PHKA1: variants seen among roughly 807,000 people sequenced by gnomAD.
PHKA1 encodes the protein phosphorylase kinase regulatory subunit alpha 1.
A neutral mutation model predicts 110.2 loss-of-function variants in PHKA1; 60 were observed. That is an observed-to-expected ratio of 0.54 (90% CI 0.44 to 0.68). The LOEUF is 0.68. PHKA1 is among the 30% of genes least tolerant of loss of function. The pLI is 0.00. For synonymous variants in PHKA1, 316 were observed against 333.6 expected, an observed-to-expected ratio of 0.95 and a Z score of 0.58; for missense variants, 801 against 942.5, an observed-to-expected ratio of 0.85 and a Z score of 1.97.
chrX:72,706,767 C>T (rs1210313226), intron 2 of PHKA1, among the ~76,000 whole-genome samples: 2 of 111,501 alleles, frequency 1.8e-5, no homozygotes, highest in African/African-American at 6.5e-5. Flanking sequence ...TTTTCTCTTG[C>T]AAACCCATCA....
At chrX:72,642,273 G>A in intron 14 of PHKA1, among the ~76,000 whole-genome samples, 1 of 111,792 alleles carries the variant, frequency 8.9e-6, no homozygotes, top group South Asian at 3.8e-4. Context: ...ATGGCCCAGA[G>A]CTTAGAAGTT....
chrX:72,619,991 C>T (rs2052953285), intron 19 of PHKA1, among the ~76,000 whole-genome samples: 2 of 111,767 alleles, frequency 1.8e-5, no homozygotes, highest in African/African-American at 3.3e-5. Context: ...AGCCCTTTCT[C>T]GAGGAAGCAT....
chrX:72,621,772 G>C, intron 18 of PHKA1: 2 of 752,173 alleles, frequency 2.7e-6, no homozygotes, highest in South Asian at 6.8e-5. Context: ...ATACAATCTA[G>C]AGACTTGAGT....
At chrX:72,648,975 A>G (rs2053394741) in intron 13 of PHKA1, among the ~76,000 whole-genome samples, 1 of 111,633 alleles carries the variant, frequency 9.0e-6, no homozygotes, top group South Asian at 3.8e-4. Flanking sequence ...ATCTAGTTCT[A>G]TGGCAGGATT....
At position 72,657,690 on chromosome X, in the gene PHKA1, A is replaced by G. The variant is rs781965638; in HGVS notation, c.865-49T>C. The G allele has an allele frequency of 3.1e-5, 31 of 990,752 alleles. 1 individual carries two copies. The highest frequency in any genetic ancestry group is 4.3e-5 in the Non-Finnish European group (30 of 697,104). The allele number at this position is 990,752 out of a possible 1,213,427, so 81.6% of individuals were successfully genotyped here. ...CAGCAGCTTGTACACTGGTACGGCCATGTAATTAATCAGAAATACATCCTT... is the reference window on the plus strand; with the variant it reads ...CAGCAGCTTGTACACTGGTACGGCCGTGTAATTAATCAGAAATACATCCTT... On this transcript the variant is annotated intron_variant, in intron 8 of 31. Coordinates refer to ENST00000373542, the MANE Select transcript of PHKA1 (RefSeq NM_002637.4).
At chrX:72,581,219 AT>A (rs781829140) in intron 31 of PHKA1, 44 bp from the exon 32 acceptor site, 50 of 862,838 alleles carry the variant, frequency 5.8e-5, no homozygotes, top group Non-Finnish European at 1.0e-5. Context: ...GAAAGGAAAA[AT>A]TACCAATCTT....
At chrX:72,621,223 T>C (rs1017815960) in intron 18 of PHKA1, among the ~76,000 whole-genome samples, 1 of 111,638 alleles carries the variant, frequency 9.0e-6, no homozygotes, top group Non-Finnish European at 1.9e-5. Context: ...GTGCATGTGA[T>C]AGTAATGGTG....
intron 16 of PHKA1, among the ~76,000 whole-genome samples, chrX:72,634,941 C>A (rs1395149609): frequency 2.7e-5 from 3 of 112,081 alleles, no homozygotes; most frequent in Non-Finnish European, 3.8e-5. Flanking sequence ...CCTTCTAAAG[C>A]ATAAGCTCCA....
intron 3 of PHKA1, among the ~76,000 whole-genome samples, chrX:72,704,575 A>ATG (rs375102108): frequency 0.047 from 5,085 of 107,331 alleles, 297 homozygotes; most frequent in African/African-American, 0.16. Flanking sequence ...GTGTATGTGC[A>ATG]TGTGTGTGTG....
Position 72,620,827 on chromosome X carries a change from G to T in PHKA1, c.2035C>A (p.Pro679Thr). 3.3e-6 allele frequency: 4 copies of T among 1,210,718 alleles called. No individual in the cohort carries two copies. Among genetic ancestry groups the T allele is most frequent in the Admixed American group, 2.2e-5 (1 of 45,936 alleles). The change falls in exon 19 of 32, where the codon CCT (proline) becomes ACT (threonine). Residue 679 changes from proline to threonine, a missense_variant. Transcript: ENST00000373542. Reference protein sequence around the residue: ...AHTAPHPKLAPTSQKGGLDRF... With the variant: ...AHTAPHPKLATTSQKGGLDRF... ...TCTAGCCCTCCCTTCTGTGAGGTAG[G>T]GGCTAGTTTAGGATGGGGAGCAGTG...
At chrX:72,675,229 TA>T (rs1410493847) in intron 6 of PHKA1, among the ~76,000 whole-genome samples, 6 of 107,730 alleles carry the variant, frequency 5.6e-5, no homozygotes, top group African/African-American at 1.3e-4. Flanking sequence ...AATAAATAAA[TA>T]AAATAAAAAT....
At position 72,658,470 on chromosome X, in the gene PHKA1, A is replaced by C. The variant is rs1332612361; in HGVS notation, c.865-829T>G. Among the ~76,000 whole-genome samples the C allele has an allele frequency of 2.7e-5, 3 of 109,476 alleles. No homozygotes were observed. The South Asian group carries it at 1.2e-3, about 44-fold the overall frequency. ...TGAGACTTTGTTTCAAAAAAAAAAAAAAAAAAAACTTTGGTACGATACTAT... is the reference window on the plus strand; with the variant it reads ...TGAGACTTTGTTTCAAAAAAAAAAACAAAAAAAACTTTGGTACGATACTAT... On this transcript the variant is annotated intron_variant, in intron 8 of 31. Transcript: ENST00000373542.
chrX:72,644,025 T>G (rs982549865), intron 14 of PHKA1, among the ~76,000 whole-genome samples: 14 of 111,806 alleles, frequency 1.3e-4, no homozygotes, highest in Non-Finnish European at 2.3e-4. Context: ...ACAAGTTCCT[T>G]GGCTATCATT....
chrX:72,628,992 A>G (rs2053127955), intron 16 of PHKA1, among the ~76,000 whole-genome samples: 2 of 111,630 alleles, frequency 1.8e-5, no homozygotes, highest in African/African-American at 6.5e-5. Flanking sequence ...TAAATGAATT[A>G]TTTTCCCAAA....
At chrX:72,703,570 A>G (rs888823336) in intron 3 of PHKA1, among the ~76,000 whole-genome samples, 2 of 110,769 alleles carry the variant, frequency 1.8e-5, no homozygotes, top group Non-Finnish European at 3.8e-5. Flanking sequence ...AGTCCCAGTG[A>G]TGCGGGAGGC....
intron 6 of PHKA1, among the ~76,000 whole-genome samples, chrX:72,672,380 T>G (rs1230998208): frequency 1.8e-5 from 2 of 111,585 alleles, no homozygotes; most frequent in African/African-American, 6.5e-5. Flanking sequence ...ATCATGCTGA[T>G]AAAGTCCAAT....
At chrX:72,700,417 T>C (rs2054190664) in intron 3 of PHKA1, among the ~76,000 whole-genome samples, 1 of 112,350 alleles carries the variant, frequency 8.9e-6, no homozygotes. Context: ...ATTTGGCTTA[T>C]TTGGTATAAA....
intron 14 of PHKA1, among the ~76,000 whole-genome samples, chrX:72,642,703 T>C (rs1468320238): frequency 9.0e-6 from 1 of 111,226 alleles, no homozygotes; most frequent in African/African-American, 3.3e-5. Flanking sequence ...GAGCCTTGAC[T>C]TGGTATTTAC....
intron 1 of PHKA1, among the ~76,000 whole-genome samples, chrX:72,713,369 T>C (rs781853445): frequency 9.0e-4 from 100 of 111,303 alleles, no homozygotes; most frequent in Non-Finnish European, 1.5e-3. Context: ...AACTTACTCA[T>C]CTTATAACTG....
Sources: gnomAD v4.1 joint callset for allele counts (sites outside exome capture counted in the v4.1 genomes callset) on GRCh38, gnomAD v4.1.1 for gene constraint, MANE v1.5 for transcripts, NCBI Gene and HGNC (gene_info 2026-07-23, HGNC 2026-07-21) for gene names.